WWC1: variants seen among roughly 807,000 people sequenced by gnomAD.
WWC1 encodes the protein WW and C2 domain containing 1, also known as protein KIBRA.
Under a neutral mutation model 138.4 loss-of-function variants are expected in WWC1, and 55 were observed. That is an observed-to-expected ratio of 0.40 (90% CI 0.32 to 0.50). The LOEUF is 0.50. Ranked by LOEUF, WWC1 falls within the 20% of genes least tolerant of loss-of-function variation. The pLI is 0.72. For synonymous variants in WWC1, 524 were observed against 564.9 expected (o/e 0.93, Z 1.03); for missense variants, 1,226 against 1,420.4 (o/e 0.86, Z 2.20).
intron 7 of WWC1, among the ~76,000 whole-genome samples, chr5:168,409,325 G>T (rs1052857794): frequency 2.6e-5 from 4 of 152,204 alleles, no homozygotes; most frequent in African/African-American, 9.6e-5. Context: ...TTGTCCAAGG[G>T]TGACCGGTGA....
Position 168,469,035 on chromosome 5 carries a change from C to A in WWC1, c.*18C>A. Reference sequence around the variant, plus strand: ...ACGTCTAATCGCCAGAAAAGTATTTCCTTTGTTCCACTGACCAGGCTGTGA... The same window carrying A: ...ACGTCTAATCGCCAGAAAAGTATTTACTTTGTTCCACTGACCAGGCTGTGA... On this transcript the variant is annotated 3_prime_UTR_variant, in exon 23 of 23. Coordinates refer to ENST00000265293, the MANE Select transcript of WWC1 (RefSeq NM_015238.3). 6.2e-7 allele frequency: 1 copy of A among 1,614,104 alleles called. No homozygotes were observed. The highest frequency in any genetic ancestry group is 8.5e-7 in the Non-Finnish European group (1 of 1,179,964).
rs148762947 is a variant in WWC1 at position 168,304,224 on chromosome 5, A to G, written c.119+11953A>G. 6.6e-5 allele frequency among the ~76,000 whole-genome samples: 10 copies of G among 152,276 alleles called. No homozygotes were observed. In the East Asian group the frequency reaches 1.5e-3, roughly 23 times the overall value. On this transcript the variant is annotated intron_variant, in intron 1 of 22. Coordinates refer to ENST00000265293, the MANE Select transcript of WWC1 (RefSeq NM_015238.3). The stretch of plus-strand genomic sequence containing the variant: ...GTTACTGCTCAATTCGTTTATTTTG[A>G]GGACCAGATTTTTTGGATGTAAACC...
intron 16 of WWC1, among the ~76,000 whole-genome samples, chr5:168,442,662 C>G (rs548940248): frequency 6.6e-6 from 1 of 151,372 alleles, no homozygotes; most frequent in African/African-American, 2.4e-5. Flanking sequence ...CATGGTGAAA[C>G]CCTGTCTCTA....
chr5:168,441,621 C>T, intron 15 of WWC1, 61 bp from the exon 16 acceptor site: 1 of 1,572,114 alleles, frequency 6.4e-7, no homozygotes, highest in Admixed American at 1.7e-5. Context: ...GAACCAAATT[C>T]CCTGACACCT....
At chr5:168,457,120 A>C (rs34197361) in intron 19 of WWC1, among the ~76,000 whole-genome samples, 45,930 of 147,236 alleles carry the variant, frequency 0.31, 8,230 homozygotes, top group Middle Eastern at 0.45. Flanking sequence ...CGGAGATCAC[A>C]CTCCACAGGT....
Position 168,385,284 on chromosome 5 carries a change from G to T in WWC1, c.303G>T (p.Val101=). The change falls in exon 3 of 23, where the codon GTG becomes GTT. Residue 101 remains valine, a synonymous_variant. Coordinates refer to ENST00000265293, the MANE Select transcript of WWC1 (RefSeq NM_015238.3). ...EQEHMLKDYL[V]VAQEALSAQK... is the part of the protein sequence containing the mutation. ...AACATATGCTGAAGGATTACCTGGT[G>T]GTGGCCCAGGAGGCTCTGAGTGCAC... 1.2e-6 allele frequency: 2 copies of T among 1,614,102 alleles called. No homozygotes were observed. Among genetic ancestry groups the T allele is most frequent in the Non-Finnish European group, 1.7e-6 (2 of 1,180,022 alleles).
At chr5:168,332,452 T>C (rs1389631613) in intron 1 of WWC1, among the ~76,000 whole-genome samples, 1 of 152,222 alleles carries the variant, frequency 6.6e-6, no homozygotes, top group African/African-American at 2.4e-5. Flanking sequence ...TAATTCTGTT[T>C]ATAAGTGATA....
chr5:168,442,618 C>G (rs1456500306), intron 16 of WWC1, among the ~76,000 whole-genome samples: 1 of 151,894 alleles, frequency 6.6e-6, no homozygotes, highest in African/African-American at 2.4e-5. Context: ...AGGAGGATCT[C>G]TTGAGGTCAG....
chr5:168,373,964 T>C (rs1025211863), intron 2 of WWC1, among the ~76,000 whole-genome samples: 3 of 146,202 alleles, frequency 2.1e-5, no homozygotes, highest in African/African-American at 5.1e-5. Flanking sequence ...GAGAATGGCA[T>C]GAACCCTGGA....
intron 2 of WWC1, among the ~76,000 whole-genome samples, chr5:168,381,074 T>G (rs144695570): frequency 6.6e-6 from 1 of 152,254 alleles, no homozygotes; most frequent in African/African-American, 2.4e-5. Context: ...TGGAAATCTC[T>G]CGGGTGATTC....
At chr5:168,445,592 T>C (rs184295018) in intron 17 of WWC1, among the ~76,000 whole-genome samples, 2 of 149,538 alleles carry the variant, frequency 1.3e-5, no homozygotes, top group Admixed American at 1.3e-4. Flanking sequence ...TCACAGCTAC[T>C]TAGGAGGCTG....
intron 5 of WWC1, 57 bp downstream of exon 5, chr5:168,399,624 C>G: frequency 6.6e-7 from 1 of 1,509,002 alleles, no homozygotes; most frequent in South Asian, 1.2e-5. Flanking sequence ...GGTTCCCCTC[C>G]TGTCCTCTCT....
At chr5:168,324,782 T>C (rs1274106524) in intron 1 of WWC1, among the ~76,000 whole-genome samples, 1 of 152,164 alleles carries the variant, frequency 6.6e-6, no homozygotes, top group Non-Finnish European at 1.5e-5. Context: ...AGCCTGCCTG[T>C]AACAGGTTCA....
intron 1 of WWC1, among the ~76,000 whole-genome samples, chr5:168,323,801 A>G (rs919097906): frequency 3.9e-5 from 6 of 152,212 alleles, no homozygotes; most frequent in African/African-American, 1.4e-4. Context: ...CAGGAAAATC[A>G]TGTGGAAAAC....
chr5:168,464,832 A>G lies in WWC1; in HGVS notation c.3020A>G (p.Gln1007Arg). The G allele has an allele frequency of 1.2e-6, 2 of 1,614,184 alleles. No individual in the cohort carries two copies. Among genetic ancestry groups the G allele is most frequent in the African/African-American group, 2.7e-5 (2 of 75,052 alleles). Residue 1007 changes from glutamine (Q) to arginine (R), a missense_variant, in exon 21 of 23, where the codon CAG (glutamine) becomes CGG (arginine). By Grantham distance (43) the Gln-to-Arg change is conservative (BLOSUM62 1). This residue lies in a region of WWC1 where 206 missense variants were observed against 247.4 expected (regional missense o/e 0.83). Transcript: ENST00000265293. ...ATRTWHSQLT[Q>R]EISVLKELKE... is the part of the protein sequence containing the mutation. ...AGAACCTGGCACAGCCAATTGACCC[A>G]GGAGATCTCGGTGCTGAAGGAGCTC...
At chr5:168,341,126 C>A (rs188894790) in intron 1 of WWC1, among the ~76,000 whole-genome samples, 1 of 152,232 alleles carries the variant, frequency 6.6e-6, no homozygotes, top group African/African-American at 2.4e-5. Context: ...ATCGAAGACA[C>A]GGGAAATAAC....
chr5:168,422,488 A>G (rs1781167365), intron 10 of WWC1, among the ~76,000 whole-genome samples: 1 of 152,144 alleles, frequency 6.6e-6, no homozygotes, highest in Non-Finnish European at 1.5e-5. Context: ...GTGGTGGTGC[A>G]TGCCTGTGGT....
chr5:168,433,694 C>A (rs1434815873), intron 15 of WWC1, among the ~76,000 whole-genome samples: 1 of 152,170 alleles, frequency 6.6e-6, no homozygotes, highest in Non-Finnish European at 1.5e-5. Flanking sequence ...CCCACCACCA[C>A]ACCCGGCTAA....
At chr5:168,333,399 G>T (rs942730219) in intron 1 of WWC1, among the ~76,000 whole-genome samples, 4 of 152,198 alleles carry the variant, frequency 2.6e-5, no homozygotes, top group Non-Finnish European at 5.9e-5. Flanking sequence ...TGGAAAATGT[G>T]CATCTTTATA....
Sources: allele counts gnomAD v4.1 joint callset (sites outside exome capture counted in the v4.1 genomes callset), GRCh38; gene constraint gnomAD v4.1.1; regional missense constraint gnomAD v4.1.1; transcripts MANE v1.5; gene names NCBI Gene and HGNC (gene_info 2026-07-23, HGNC 2026-07-21).